NCOA7: variants seen among roughly 807,000 people sequenced by gnomAD.
The protein encoded by NCOA7 is nuclear receptor coactivator 7, also known as 140 kDa estrogen receptor-associated protein.
A neutral mutation model predicts 104.3 loss-of-function variants in NCOA7; 45 were observed. The ratio of observed to expected loss-of-function variants is 0.43; its 90% confidence interval spans 0.34 to 0.55. The LOEUF (loss-of-function observed/expected upper bound fraction) is 0.55, where lower values mean the gene tolerates loss of function less well. Among genes scored for constraint, NCOA7 ranks in the 20% least tolerant of loss-of-function variants. The pLI is 0.02. For synonymous variants in NCOA7, 398 were observed against 402.3 expected (o/e 0.99, Z 0.13); for missense variants, 1,041 against 1,119.7 (o/e 0.93, Z 1.00).
intron 8 of NCOA7, among the ~76,000 whole-genome samples, chr6:125,887,320 A>G (rs1219090708): frequency 6.6e-6 from 1 of 152,200 alleles, no homozygotes; most frequent in Non-Finnish European, 1.5e-5. Flanking sequence ...TTGAGTTCCA[A>G]TAGGGAGATT....
chr6:125,816,236 T>C (rs1040602800), intron 2 of NCOA7, among the ~76,000 whole-genome samples: 1 of 152,210 alleles, frequency 6.6e-6, no homozygotes, highest in African/African-American at 2.4e-5. Flanking sequence ...TTTTATCTAG[T>C]AATTAAGCTA....
chr6:125,877,276 C>T (rs1353004500), intron 4 of NCOA7, among the ~76,000 whole-genome samples: 1 of 152,180 alleles, frequency 6.6e-6, no homozygotes, highest in South Asian at 2.1e-4. Context: ...GTTTAATTCT[C>T]CTCCTACATC....
At chr6:125,926,779 G>C (rs1415052789) in intron 13 of NCOA7, among the ~76,000 whole-genome samples, 1 of 152,178 alleles carries the variant, frequency 6.6e-6, no homozygotes, top group Non-Finnish European at 1.5e-5. Context: ...ACATTTTCCA[G>C]ATAACCTACA....
Position 125,927,728 on chromosome 6 carries a change from T to C in NCOA7, c.2589T>C (p.Thr863=). Residue 863 remains threonine (T), a synonymous_variant, in exon 14 of 16, where the codon ACT becomes ACC. Coordinates refer to ENST00000392477, the MANE Select transcript of NCOA7 (RefSeq NM_181782.5). Reference sequence around the variant, plus strand: ...ACCACTATTATGGCACAGGCGAAACTTTTCTCTACACATTCAGCCCTCATT... The same window carrying C: ...ACCACTATTATGGCACAGGCGAAACCTTTCTCTACACATTCAGCCCTCATT... The part of the protein sequence containing the change: ...FSDHYYGTGE[T]FLYTFSPHFK... 2 of 1,614,028 alleles carry C rather than the reference T, an allele frequency of 1.2e-6. No homozygotes were observed. The highest frequency in any genetic ancestry group is 1.7e-6 in the Non-Finnish European group (2 of 1,179,906).
At chr6:125,810,931 A>G (rs937319678) in intron 1 of NCOA7, among the ~76,000 whole-genome samples, 2 of 152,200 alleles carry the variant, frequency 1.3e-5, no homozygotes, top group Admixed American at 6.5e-5. Flanking sequence ...TGGATCATTT[A>G]ATCTTTTTCT....
intron 3 of NCOA7, among the ~76,000 whole-genome samples, chr6:125,859,120 T>A (rs1204329545): frequency 1.3e-5 from 2 of 152,036 alleles, no homozygotes; most frequent in Non-Finnish European, 2.9e-5. Context: ...ATCAACTCTG[T>A]GATGAATCTG....
At chr6:125,895,058 C>G (rs913550260) in intron 10 of NCOA7, among the ~76,000 whole-genome samples, 13 of 152,188 alleles carry the variant, frequency 8.5e-5, no homozygotes, top group Admixed American at 8.5e-4. Context: ...CTTTTTCCCC[C>G]CTTCCCTTTC....
intron 3 of NCOA7, among the ~76,000 whole-genome samples, chr6:125,855,837 C>T (rs1383139029): frequency 6.6e-6 from 1 of 152,050 alleles, no homozygotes; most frequent in Non-Finnish European, 1.5e-5. Context: ...GTGCCCACCA[C>T]CATGCCCGGC....
At chr6:125,913,952 C>G (rs935342108) in intron 10 of NCOA7, among the ~76,000 whole-genome samples, 13 of 152,166 alleles carry the variant, frequency 8.5e-5, no homozygotes, top group African/African-American at 3.1e-4. Flanking sequence ...TTTATATAAA[C>G]TAAAAGGATA....
At chr6:125,906,775 T>A (rs1011818064) in intron 10 of NCOA7, among the ~76,000 whole-genome samples, 2 of 152,126 alleles carry the variant, frequency 1.3e-5, no homozygotes, top group African/African-American at 4.8e-5. Flanking sequence ...ATTTCAGAGC[T>A]TGAGGTCTGT....
intron 10 of NCOA7, among the ~76,000 whole-genome samples, chr6:125,910,999 G>A (rs56024363): frequency 0.16 from 23,823 of 152,092 alleles, 2,061 homozygotes; most frequent in African/African-American, 0.25. Context: ...CAAAGTCAGC[G>A]GAGTCAAAGG....
intron 2 of NCOA7, among the ~76,000 whole-genome samples, chr6:125,825,174 CAA>C (rs60707053): frequency 1.1e-4 from 6 of 54,086 alleles, no homozygotes; most frequent in Admixed American, 3.4e-4. Flanking sequence ...CCTGTCTCTA[CAA>C]AAAAAAAAAA....
chr6:125,931,129 T>G lies in NCOA7; in HGVS notation c.*2358T>G, dbSNP rs1788445273. 1 of 152,638 alleles carries G rather than the reference T, an allele frequency of 6.6e-6. No homozygotes were observed. Among genetic ancestry groups the G allele is most frequent in the South Asian group, 2.1e-4 (1 of 4,838 alleles). 9.5% of individuals were successfully genotyped at this position (152,638 alleles called of 1,614,324 possible). On this transcript the variant is annotated 3_prime_UTR_variant, in exon 16 of 16. Transcript: ENST00000392477. ...TTCAGTGATTTTCTTTCCCAAAGAT[T>G]CATTCATCAGGTATTTACTGGGTAC...
At chr6:125,885,049 T>C in intron 7 of NCOA7, 110 bp from the exon 8 acceptor site, 3 of 1,056,606 alleles carry the variant, frequency 2.8e-6, no homozygotes, top group Non-Finnish European at 4.2e-6. Context: ...CATAGGATAC[T>C]GTGGTTCACA....
chr6:125,811,975 G>T (rs1464317892), intron 1 of NCOA7, among the ~76,000 whole-genome samples: 2 of 152,186 alleles, frequency 1.3e-5, no homozygotes, highest in African/African-American at 4.8e-5. Context: ...TACCAGACTG[G>T]ATTTAAATTG....
intron 2 of NCOA7, among the ~76,000 whole-genome samples, chr6:125,816,204 A>T (rs940497067): frequency 6.6e-6 from 1 of 152,202 alleles, no homozygotes; most frequent in African/African-American, 2.4e-5. Context: ...TTGGAGCCAA[A>T]ACCAAAGTTT....
chr6:125,823,311 C>A (rs1310682653), intron 2 of NCOA7, among the ~76,000 whole-genome samples: 2 of 152,150 alleles, frequency 1.3e-5, no homozygotes, highest in East Asian at 3.8e-4. Context: ...AAAACAGTTT[C>A]TTTAATGTAG....
At chr6:125,796,678 A>G (rs2128548465) in intron 1 of NCOA7, 1 of 149,288 alleles carries the variant, frequency 6.7e-6, no homozygotes, top group Non-Finnish European at 1.5e-5. Flanking sequence ...TTTTTGAGAC[A>G]GATTCCCACT....
intron 4 of NCOA7, 120 bp downstream of exon 4, chr6:125,875,088 C>T: frequency 1.5e-6 from 1 of 672,758 alleles, no homozygotes; most frequent in Non-Finnish European, 2.6e-6. Flanking sequence ...AACAATCAAG[C>T]TTCTTAAGAC....
Sources: gnomAD v4.1 joint callset for allele counts (sites outside exome capture counted in the v4.1 genomes callset) on GRCh38, gnomAD v4.1.1 for gene constraint, MANE v1.5 for transcripts, NCBI Gene and HGNC (gene_info 2026-07-23, HGNC 2026-07-21) for gene names.